DLGAP5: variants seen among roughly 807,000 people sequenced by gnomAD.
DLGAP5 encodes the protein disks large-associated protein 5.
DLGAP5 carries 90 observed loss-of-function variants against 99.6 expected under a neutral mutation model. That is an observed-to-expected ratio of 0.90 (90% CI 0.76 to 1.08). DLGAP5 has a LOEUF of 1.08. Among genes scored for constraint, DLGAP5 ranks in the 50% least tolerant of loss-of-function variants. The pLI, the probability that DLGAP5 is intolerant of heterozygous loss-of-function variation, is 0.00. For missense variants in DLGAP5, 1,036 were observed against 983.5 expected (o/e 1.05, Z -0.71); for synonymous variants, 311 against 321.3 (o/e 0.97, Z 0.34).
At chr14:55,175,032 A>G (rs1309042449) in intron 10 of DLGAP5, among the ~76,000 whole-genome samples, 1 of 152,160 alleles carries the variant, frequency 6.6e-6, no homozygotes, top group Admixed American at 6.6e-5. Flanking sequence ...TACATGTTAT[A>G]TTTGTCTACA....
chr14:55,148,902 T>C (rs894005836), intron 18 of DLGAP5, among the ~76,000 whole-genome samples: 2 of 152,204 alleles, frequency 1.3e-5, no homozygotes, highest in Non-Finnish European at 2.9e-5. Context: ...ACTGAGGCTG[T>C]ATCTTAAGCC....
intron 11 of DLGAP5, among the ~76,000 whole-genome samples, chr14:55,169,959 A>G (rs2140317622): frequency 1.3e-5 from 2 of 152,206 alleles, no homozygotes; most frequent in Middle Eastern, 3.4e-3. Context: ...ACATGGTGAA[A>G]CCCCATCCCT....
chr14:55,171,938 T>G (rs1425932927), intron 10 of DLGAP5, among the ~76,000 whole-genome samples: 1 of 152,138 alleles, frequency 6.6e-6, no homozygotes, highest in African/African-American at 2.4e-5. Flanking sequence ...TAGAATGGTA[T>G]TTACCAGGGG....
chr14:55,188,820 AAAG>A, intron 2 of DLGAP5, 119 bp downstream of exon 2: 2 of 660,864 alleles, frequency 3.0e-6, no homozygotes, highest in Non-Finnish European at 5.0e-6. Flanking sequence ...ACCAAAAAGG[AAAG>A]TTATTTATAG....
intron 10 of DLGAP5, among the ~76,000 whole-genome samples, chr14:55,174,390 T>G (rs948517440): frequency 1.3e-5 from 2 of 152,204 alleles, no homozygotes; most frequent in Non-Finnish European, 2.9e-5. Flanking sequence ...GGTCCCGTGA[T>G]CTCACCCTGC....
rs34109336 is a variant in DLGAP5, at chr14:55,176,976, GAAAAAAAAAAAAAAAAA to G, written c.1049+69_1049+85del. The G allele has an allele frequency of 8.0e-3, 2,030 of 253,566 alleles. 90 individuals are homozygous for G. In the Admixed American group the frequency reaches 0.2, roughly 25 times the overall value. The allele number at this position is 253,566 out of a possible 1,614,324, so 15.7% of individuals were successfully genotyped here. A position where few individuals can be genotyped will look rare whatever the true frequency, so the allele number is the denominator to read the frequency against. On this transcript the variant is annotated intron_variant, in intron 8 of 18. Transcript: ENST00000247191. ...CTGGGCGACAGAGCGAACTCCGTCTGAAAAAAAAAAAAAAAAAAAAAAAAAAAAGAAAGGCATTTATT... is the reference window on the plus strand; with the variant it reads ...CTGGGCGACAGAGCGAACTCCGTCTGAAAAAAAAAAAGAAAGGCATTTATT...
In DLGAP5 at chr14:55,189,011, C is replaced by T. The variant is rs1883519555; in HGVS notation, c.169G>A (p.Gly57Ser). The change falls in exon 2 of 19, where the codon GGT becomes AGT. Residue 57 changes from glycine to serine, a missense_variant. By Grantham distance (56) the Gly-to-Ser change is moderately conservative. Transcript: ENST00000247191. ...TCATCTAATTCAACAAGAATTCTAC[C>T]TTCCAAGGTTGGAATGTTTACATCT... Reference protein sequence around the residue: ...LKDVNIPTLEGRILVELDETS... With the variant: ...LKDVNIPTLESRILVELDETS... 1 of 1,613,736 alleles carries T rather than the reference C, an allele frequency of 6.2e-7. No individual in the cohort carries two copies. Among genetic ancestry groups the T allele is most frequent in the South Asian group, 1.1e-5 (1 of 91,030 alleles).
At chr14:55,168,462 CT>C (rs1175923298) in intron 12 of DLGAP5, among the ~76,000 whole-genome samples, 1 of 152,078 alleles carries the variant, frequency 6.6e-6, no homozygotes, top group Non-Finnish European at 1.5e-5. Flanking sequence ...TTGCTTTGGC[CT>C]TTTTCTTTTA....
chr14:55,183,754 C>G lies in DLGAP5; in HGVS notation c.239-1G>C, dbSNP rs1357994612. ...TCACCTAGAATAGTTTTCATTGCCC[C>G]TAGGCAGAAAAAAAACCAAAACCAC... On this transcript the variant is annotated splice_acceptor_variant, in intron 2 of 18. Transcript: ENST00000247191. LOFTEE classifies it high-confidence loss of function. 2 of 1,561,224 alleles carry G rather than the reference C, an allele frequency of 1.3e-6. No homozygotes were observed. The highest frequency in any genetic ancestry group is 1.7e-6 in the Non-Finnish European group (2 of 1,159,736).
rs1452024523 is a variant in DLGAP5, at chr14:55,148,477, G to A, written c.2419-4C>T. 6.2e-7 allele frequency: 1 copy of A among 1,613,954 alleles called. No homozygotes were observed. Among genetic ancestry groups the A allele is most frequent in the Non-Finnish European group, 8.5e-7 (1 of 1,179,982 alleles). ...GATTACTGCAGTTTAGACCTGGCTG[G>A]AGAACAAATCCAGAGAAGTCAGTAA... On this transcript the variant is annotated splice_polypyrimidine_tract_variant and splice_region_variant and intron_variant, in intron 18 of 18. Transcript: ENST00000247191.
intron 10 of DLGAP5, among the ~76,000 whole-genome samples, chr14:55,174,996 C>T (rs8018110): frequency 0.56 from 84,602 of 151,992 alleles, 26,566 homozygotes; most frequent in African/African-American, 0.87. Flanking sequence ...GCCTATTGTC[C>T]ATATTTTTTA....
chr14:55,154,217 T>C (rs1477133556), intron 15 of DLGAP5, among the ~76,000 whole-genome samples: 1 of 152,186 alleles, frequency 6.6e-6, no homozygotes, highest in Non-Finnish European at 1.5e-5. Flanking sequence ...TCAACCACCT[T>C]GGGGAGGCAT....
At position 55,190,103 on chromosome 14, in the gene DLGAP5, T is replaced by C. The variant is rs1883559049; in HGVS notation, c.-1-923A>G. 2.0e-5 allele frequency among the ~76,000 whole-genome samples: 3 copies of C among 152,200 alleles called. No homozygotes were observed. In the South Asian group the frequency reaches 6.2e-4, roughly 31 times the overall value. On this transcript the variant is annotated intron_variant, in intron 1 of 18. Transcript: ENST00000247191. ...CCAAATATATAGTTCACAATAACCC[T>C]ATCAGTTTGCTCCATTATTTTCATC...
At chr14:55,153,310 G>A (rs1358486000) in intron 15 of DLGAP5, among the ~76,000 whole-genome samples, 1 of 151,928 alleles carries the variant, frequency 6.6e-6, no homozygotes, top group Non-Finnish European at 1.5e-5. Flanking sequence ...GGGAGGCAGC[G>A]GCGGGTGGAT....
At chr14:55,151,297 G>T (rs978219353) in intron 17 of DLGAP5, among the ~76,000 whole-genome samples, 3 of 152,036 alleles carry the variant, frequency 2.0e-5, no homozygotes, top group Admixed American at 6.6e-5. Context: ...AAGAAAAATA[G>T]GATATTTTGA....
Position 55,180,800 on chromosome 14 carries a change from AC to A in DLGAP5, c.581-23del, listed in dbSNP as rs772353068. On this transcript the variant is annotated intron_variant, in intron 5 of 18. Transcript: ENST00000247191. The stretch of plus-strand genomic sequence containing the variant: ...ACAACTGTGGGAAAAAAAAATAACT[AC>A]ATCAAATGTCCCTTGTAGTTATGAA... 2.5e-6 allele frequency: 4 copies of A among 1,613,926 alleles called. No individual in the cohort carries two copies. In the East Asian group the frequency reaches 8.9e-5, roughly 36 times the overall value.
chr14:55,174,768 G>A (rs547418518), intron 10 of DLGAP5, among the ~76,000 whole-genome samples: 1 of 152,262 alleles, frequency 6.6e-6, no homozygotes, highest in African/African-American at 2.4e-5. Flanking sequence ...TTGGCTAACT[G>A]CAACCTCCGC....
intron 14 of DLGAP5, among the ~76,000 whole-genome samples, chr14:55,155,340 T>C (rs1223379157): frequency 1.4e-5 from 2 of 142,674 alleles, no homozygotes; most frequent in Non-Finnish European, 3.0e-5. Flanking sequence ...AGAGATAACC[T>C]TTTTTTTTGT....
chr14:55,158,800 C>A (rs1460275001), intron 13 of DLGAP5, 59 bp from the exon 14 acceptor site: 1 of 1,203,534 alleles, frequency 8.3e-7, no homozygotes, highest in African/African-American at 1.5e-5. Flanking sequence ...GAAAAACACA[C>A]AACAAACACA....
Sources: allele counts gnomAD v4.1 joint callset (sites outside exome capture counted in the v4.1 genomes callset), GRCh38; gene constraint gnomAD v4.1.1; transcripts MANE v1.5; gene names NCBI Gene and HGNC (gene_info 2026-07-23, HGNC 2026-07-21).